Variants in KHDRBS2 observed in about 807,000 individuals in gnomAD.
KHDRBS2 encodes KH RNA binding domain containing, signal transduction associated 2, also known as KH domain-containing, RNA-binding, signal transduction-associated protein 2.
A neutral mutation model predicts 44.3 loss-of-function variants in KHDRBS2; 26 were observed. The observed-to-expected ratio is 0.59, with a 90% CI of 0.43 to 0.81. The LOEUF (loss-of-function observed/expected upper bound fraction) is 0.81, where lower values mean the gene tolerates loss of function less well. KHDRBS2 is among the 40% of genes least tolerant of loss of function. The pLI is 0.00. For synonymous variants in KHDRBS2, 194 were observed against 151.1 expected, an observed-to-expected ratio of 1.28 and a Z score of -2.08; for missense variants, 476 against 433.1, an observed-to-expected ratio of 1.10 and a Z score of -0.88.
chr6:61,675,221 T>C (rs554823546), downstream of KHDRBS2, among the ~76,000 whole-genome samples: 283 of 151,902 alleles, frequency 1.9e-3, 1 homozygote, highest in African/African-American at 6.6e-3. Context: ...AATACTAGTC[T>C]ATATATTTTC....
chr6:62,141,036 T>C (rs1812695939), intron 2 of KHDRBS2, among the ~76,000 whole-genome samples: 1 of 152,204 alleles, frequency 6.6e-6, no homozygotes, highest in South Asian at 2.1e-4. Flanking sequence ...ATATATGACA[T>C]GTTTTCATAT....
intron 2 of KHDRBS2, among the ~76,000 whole-genome samples, chr6:62,066,493 T>C (rs1276894926): frequency 6.6e-6 from 1 of 151,748 alleles, no homozygotes; most frequent in Non-Finnish European, 1.5e-5. Flanking sequence ...AGATTTTTCA[T>C]TATTGCATGA....
chr6:62,173,293 A>C (rs1419616528), intron 2 of KHDRBS2, among the ~76,000 whole-genome samples: 3 of 152,014 alleles, frequency 2.0e-5, no homozygotes, highest in Non-Finnish European at 2.9e-5. Context: ...ACCTTCAGAG[A>C]CTATTAAAAA....
intron 4 of KHDRBS2, among the ~76,000 whole-genome samples, chr6:61,961,087 T>C (rs1213784801): frequency 6.6e-6 from 1 of 152,062 alleles, no homozygotes; most frequent in Non-Finnish European, 1.5e-5. Context: ...AAGAGAAACT[T>C]GAGAGAAATT....
chr6:61,811,108 CT>C (rs1191205737), intron 6 of KHDRBS2, among the ~76,000 whole-genome samples: 1 of 152,046 alleles, frequency 6.6e-6, no homozygotes, highest in East Asian at 1.9e-4. Context: ...CCCTTTCCCC[CT>C]CCTTCCCTTT....
chr6:62,213,723 A>C (rs1203264606), intron 1 of KHDRBS2, among the ~76,000 whole-genome samples: 2 of 151,770 alleles, frequency 1.3e-5, no homozygotes, highest in Non-Finnish European at 2.9e-5. Flanking sequence ...AAATGCAAAA[A>C]ATTAGCCAGG....
At chr6:62,174,544 T>C (rs554503365) in intron 2 of KHDRBS2, among the ~76,000 whole-genome samples, 1 of 151,920 alleles carries the variant, frequency 6.6e-6, no homozygotes, top group South Asian at 2.1e-4. Flanking sequence ...AATTTTAAAC[T>C]TCATTCAATT....
the KHDRBS2 span, among the ~76,000 whole-genome samples, chr6:61,545,636 G>A: frequency 7.9e-5 from 12 of 151,962 alleles, no homozygotes; most frequent in African/African-American, 2.7e-4. Context: ...GAAAAGCAAG[G>A]TATGTGATAA....
chr6:61,597,773 T>TATATATATATATATATATATATATAA, the KHDRBS2 span, among the ~76,000 whole-genome samples: 1 of 42,330 alleles, frequency 2.4e-5, no homozygotes, highest in Non-Finnish European at 4.8e-5. Flanking sequence ...TATATATATA[T>TATATATATATATATATATATATATAA]ACACCAAGAT....
At chr6:61,996,133 T>C (rs1777122397) in intron 3 of KHDRBS2, among the ~76,000 whole-genome samples, 1 of 152,180 alleles carries the variant, frequency 6.6e-6, no homozygotes, top group African/African-American at 2.4e-5. Context: ...AGCAATATCA[T>C]ATTTAATCTG....
At chr6:61,752,028 TATATTA>T (rs2127569054) in intron 6 of KHDRBS2, among the ~76,000 whole-genome samples, 2 of 152,296 alleles carry the variant, frequency 1.3e-5, no homozygotes, top group East Asian at 3.9e-4. Flanking sequence ...GACCCCATTT[TATATTA>T]ATCATCTCTT....
At chr6:62,107,391 G>A (rs1357647230) in intron 2 of KHDRBS2, among the ~76,000 whole-genome samples, 4 of 152,106 alleles carry the variant, frequency 2.6e-5, no homozygotes, top group African/African-American at 4.8e-5. Context: ...TACAAGGGAC[G>A]TGAAGGACCT....
At chr6:62,034,693 G>GAAAAA (rs1171214560) in intron 3 of KHDRBS2, among the ~76,000 whole-genome samples, 294 of 60,034 alleles carry the variant, frequency 4.9e-3, no homozygotes, top group East Asian at 8.8e-3. Context: ...ATTCTGAACA[G>GAAAAA]AAAAAAAAAA....
intron 2 of KHDRBS2, among the ~76,000 whole-genome samples, chr6:62,160,625 G>A (rs1183627782): frequency 6.6e-6 from 1 of 152,202 alleles, no homozygotes; most frequent in African/African-American, 2.4e-5. Flanking sequence ...CGGCTACTCT[G>A]TTAAGGATTG....
intron 2 of KHDRBS2, among the ~76,000 whole-genome samples, chr6:62,157,089 C>G (rs1816605313): frequency 6.6e-6 from 1 of 151,550 alleles, no homozygotes; most frequent in African/African-American, 2.4e-5. Context: ...GGTGCGGTGG[C>G]TCATACCTGT....
downstream of KHDRBS2, among the ~76,000 whole-genome samples, chr6:61,675,432 A>G (rs1406811199): frequency 6.6e-6 from 1 of 151,702 alleles, no homozygotes; most frequent in Admixed American, 6.6e-5. Flanking sequence ...TTATCTAAAT[A>G]TTACACTAAA....
intron 1 of KHDRBS2, among the ~76,000 whole-genome samples, chr6:62,250,828 G>A (rs541063369): frequency 4.6e-5 from 7 of 152,016 alleles, no homozygotes; most frequent in South Asian, 2.1e-4. Flanking sequence ...AAAAAGGGGT[G>A]ATAAAATGTA....
chr6:61,769,374 C>T (rs9353850), intron 6 of KHDRBS2, among the ~76,000 whole-genome samples: 11,253 of 152,206 alleles, frequency 0.074, 597 homozygotes, highest in East Asian at 0.22. Flanking sequence ...ATCACCTCAC[C>T]TGGAAAGCAC....
Position 62,021,807 on chromosome 6 carries a change from C to T in KHDRBS2, c.336+26071G>A, listed in dbSNP as rs188218623. On this transcript the variant is annotated intron_variant, in intron 3 of 8. Coordinates refer to ENST00000281156, the MANE Select transcript of KHDRBS2 (RefSeq NM_152688.4). Reference sequence around the variant, plus strand: ...ACTAATTCTTTAAAAGGACAAATTGCCTCACACATTTTTCTACTGACTTTA... The same window carrying T: ...ACTAATTCTTTAAAAGGACAAATTGTCTCACACATTTTTCTACTGACTTTA... Among the ~76,000 whole-genome samples, 428 of 151,354 alleles carry T rather than the reference C, an allele frequency of 2.8e-3. 6 individuals carry two copies. Among genetic ancestry groups the T allele is most frequent in the Admixed American group, 0.022 (337 of 15,128 alleles).
Sources: gnomAD v4.1 joint callset for allele counts (sites outside exome capture counted in the v4.1 genomes callset) on GRCh38, gnomAD v4.1.1 for gene constraint, MANE v1.5 for transcripts, NCBI Gene and HGNC (gene_info 2026-07-23, HGNC 2026-07-21) for gene names.